The following STRADA variants were observed in gnomAD, a reference collection of about 807,000 sequenced individuals.
The protein encoded by STRADA is STE20-related kinase adapter protein alpha.
In STRADA, 26 loss-of-function variants were observed where a neutral mutation model predicts 55.0. The observed-to-expected ratio is 0.47, with a 90% CI of 0.35 to 0.66. The LOEUF (loss-of-function observed/expected upper bound fraction) is 0.66, where lower values mean the gene tolerates loss of function less well. Among genes scored for constraint, STRADA ranks in the 30% least tolerant of loss-of-function variants. The pLI, the probability that STRADA is intolerant of heterozygous loss-of-function variation, is 0.01. For synonymous variants in STRADA, 197 were observed against 210.9 expected (o/e 0.93, Z 0.57); for missense variants, 443 against 549.7 (o/e 0.81, Z 1.94).
At chr17:63,739,738 TAC>T in intron 1 of STRADA, among the ~76,000 whole-genome samples, 1 of 148,454 alleles carries the variant, frequency 6.7e-6, no homozygotes, top group Admixed American at 6.8e-5. Flanking sequence ...ATATTATGTA[TAC>T]ATATTGATAC....
At chr17:63,711,766 T>C (rs1435538502) in intron 6 of STRADA, among the ~76,000 whole-genome samples, 1 of 152,054 alleles carries the variant, frequency 6.6e-6, no homozygotes, top group Non-Finnish European at 1.5e-5. Flanking sequence ...AAACCCCATC[T>C]ATATGAAACA....
intron 1 of STRADA, among the ~76,000 whole-genome samples, chr17:63,730,453 T>C (rs1206356622): frequency 2.6e-5 from 4 of 151,316 alleles, no homozygotes; most frequent in Non-Finnish European, 5.9e-5. Flanking sequence ...TGGAGTGCAG[T>C]GATGTGATCT....
At chr17:63,721,036 C>T (rs542861110) in intron 4 of STRADA, among the ~76,000 whole-genome samples, 1 of 151,208 alleles carries the variant, frequency 6.6e-6, no homozygotes, top group Admixed American at 6.6e-5. Flanking sequence ...GCAGACGTTG[C>T]AGTGAGCTGA....
In STRADA at chr17:63,726,664, C is replaced by G; in HGVS notation, c.68G>C (p.Gly23Ala). ...TCCAAATAGTTCCAAATCTCTTAAGCCCTCAACAATGAACTTTTCCGAGAC... is the reference window on the plus strand; with the variant it reads ...TCCAAATAGTTCCAAATCTCTTAAGGCCTCAACAATGAACTTTTCCGAGAC... ...RWVSEKFIVE[G>A]LRDLELFGEQ... Residue 23 changes from glycine to alanine, a missense_variant, in exon 3 of 13, where the codon GGC becomes GCC. Gly to Ala is a moderately conservative substitution (Grantham distance 60). Transcript: ENST00000336174. The G allele has an allele frequency of 1.2e-6, 2 of 1,614,020 alleles. No homozygotes were observed. The highest frequency in any genetic ancestry group is 1.7e-6 in the Non-Finnish European group (2 of 1,179,962).
At chr17:63,727,738 G>C (rs1165386476) in intron 2 of STRADA, 1 of 152,100 alleles carries the variant, frequency 6.6e-6, no homozygotes, top group Non-Finnish European at 1.5e-5. Context: ...ATATCTCATA[G>C]CACTTATACA....
chr17:63,738,559 A>G (rs940688505), intron 1 of STRADA, among the ~76,000 whole-genome samples: 2 of 151,928 alleles, frequency 1.3e-5, no homozygotes, highest in East Asian at 3.9e-4. Flanking sequence ...TAAAACAAAA[A>G]ATGATTAAAT....
At chr17:63,705,040 C>T (rs973494328) in intron 10 of STRADA, 26 of 903,630 alleles carry the variant, frequency 2.9e-5, no homozygotes, top group Middle Eastern at 2.8e-4. Context: ...GCAGGCCACA[C>T]GGGAGCAAGA....
intron 4 of STRADA, chr17:63,715,581 A>C (rs763037039): frequency 5.9e-5 from 9 of 151,896 alleles, no homozygotes; most frequent in Non-Finnish European, 1.3e-4. Flanking sequence ...CAGCCTCCCA[A>C]GTAGCTGAGA....
chr17:63,703,669 T>G lies in STRADA; in HGVS notation c.1226A>C (p.Gln409Pro), dbSNP rs1313292164. Residue 409 changes from glutamine to proline, a missense_variant, in exon 13 of 13, where the codon CAG becomes CCG. By Grantham distance (76) the Gln-to-Pro change is moderately conservative. Transcript: ENST00000336174. ...PITNFEGSQSQDHSGIFGLVT... is the reference protein window; with the variant it reads ...PITNFEGSQSPDHSGIFGLVT... The stretch of plus-strand genomic sequence containing the variant: ...CAGGCCAAAGATTCCACTGTGGTCC[T>G]GAGACTGGCTGCCCTCAAAATTGGT... The G allele has an allele frequency of 4.3e-6, 7 of 1,614,226 alleles. No homozygotes were observed. The highest frequency in any genetic ancestry group is 5.9e-6 in the Non-Finnish European group (7 of 1,180,026).
At chr17:63,724,817 C>T (rs568379094) in intron 3 of STRADA, among the ~76,000 whole-genome samples, 1 of 152,224 alleles carries the variant, frequency 6.6e-6, no homozygotes, top group East Asian at 1.9e-4. Flanking sequence ...CTTTACTGTG[C>T]ATCTAACTAA....
At chr17:63,714,729 C>G (rs2036737748) in intron 4 of STRADA, among the ~76,000 whole-genome samples, 1 of 152,194 alleles carries the variant, frequency 6.6e-6, no homozygotes, top group Non-Finnish European at 1.5e-5. Context: ...CTGACATGGC[C>G]TGCTCCCTCG....
intron 5 of STRADA, 48 bp from the exon 6 acceptor site, chr17:63,713,575 G>T: frequency 2.5e-5 from 39 of 1,583,922 alleles, no homozygotes; most frequent in Non-Finnish European, 3.2e-5. Flanking sequence ...ACAACAAAAG[G>T]TTTTAAGAAA....
Position 63,714,220 on chromosome 17 carries a change from A to G in STRADA, c.124-112T>C, listed in dbSNP as rs1178716858. 3 of 739,478 alleles carry G rather than the reference A, an allele frequency of 4.1e-6. No homozygotes were observed. In the South Asian group the frequency reaches 4.4e-5, roughly 11 times the overall value. 45.8% of individuals were successfully genotyped at this position (739,478 alleles called of 1,614,324 possible). A position where few individuals can be genotyped will look rare whatever the true frequency, so the allele number is the denominator to read the frequency against. ...GAGACTGGCATCTAAACACACACAC[A>G]AATCCCGACTCAGTGCCAGCACTAT... On this transcript the variant is annotated intron_variant, in intron 4 of 12. Coordinates refer to ENST00000336174, the MANE Select transcript of STRADA (RefSeq NM_001003787.4).
chr17:63,715,446 T>C (rs2036803668), intron 4 of STRADA: 2 of 152,178 alleles, frequency 1.3e-5, no homozygotes, highest in Non-Finnish European at 2.9e-5. Context: ...TCTGGTTTGT[T>C]TGTTGTTTTG....
chr17:63,729,245 C>T (rs2037864244), intron 1 of STRADA, among the ~76,000 whole-genome samples: 2 of 152,070 alleles, frequency 1.3e-5, no homozygotes, highest in Admixed American at 6.6e-5. Flanking sequence ...TAATTTTAGA[C>T]TTTTAAAATT....
At chr17:63,714,165 G>C in intron 4 of STRADA, 57 bp from the exon 5 acceptor site, 3 of 1,337,642 alleles carry the variant, frequency 2.2e-6, no homozygotes, top group Non-Finnish European at 3.2e-6. Flanking sequence ...GGATGGGAGT[G>C]GGGTGAAGGT....
At chr17:63,707,743 T>A (rs2036203832) in intron 8 of STRADA, among the ~76,000 whole-genome samples, 1 of 151,728 alleles carries the variant, frequency 6.6e-6, no homozygotes, top group East Asian at 1.9e-4. Context: ...TTTTTCTTTT[T>A]TTTTTGAGAC....
intron 1 of STRADA, among the ~76,000 whole-genome samples, chr17:63,731,064 C>T (rs1598257200): frequency 6.6e-6 from 1 of 152,144 alleles, no homozygotes; most frequent in Middle Eastern, 3.4e-3. Flanking sequence ...CTGCCTCAGC[C>T]TCCTGAGTAG....
At chr17:63,718,318 G>A (rs1166876113) in intron 4 of STRADA, among the ~76,000 whole-genome samples, 1 of 152,184 alleles carries the variant, frequency 6.6e-6, no homozygotes, top group Non-Finnish European at 1.5e-5. Flanking sequence ...AGGTGAGAGA[G>A]ATACACAACC....
Sources: allele counts gnomAD v4.1 joint callset (sites outside exome capture counted in the v4.1 genomes callset), GRCh38; gene constraint gnomAD v4.1.1; transcripts MANE v1.5; gene names NCBI Gene and HGNC (gene_info 2026-07-23, HGNC 2026-07-21).